Variants in LOXHD1 observed in about 807,000 individuals in gnomAD.
The protein encoded by LOXHD1 is lipoxygenase homology PLAT domains 1, also known as lipoxygenase homology domain-containing protein 1.
In LOXHD1, 205 loss-of-function variants were observed where a neutral mutation model predicts 248.2. The observed-to-expected ratio is 0.83, with a 90% confidence interval of 0.74 to 0.93. The LOEUF (loss-of-function observed/expected upper bound fraction) is 0.93. LOXHD1 is among the 40% of genes least tolerant of loss of function. The pLI is 0.00. For missense variants in LOXHD1, 2,930 were observed against 2,971.6 expected (o/e 0.99, Z 0.33); for synonymous variants, 1,113 against 1,162.8 (o/e 0.96, Z 0.87).
intron 37 of LOXHD1, among the ~76,000 whole-genome samples, chr18:46,496,421 T>C (rs1183614255): frequency 1.3e-5 from 2 of 152,238 alleles, no homozygotes; most frequent in Non-Finnish European, 2.9e-5. Flanking sequence ...ATATGGTATT[T>C]GTTCAGAAAT....
chr18:46,488,618 C>A (rs538847027), intron 38 of LOXHD1, among the ~76,000 whole-genome samples: 18 of 152,272 alleles, frequency 1.2e-4, no homozygotes, highest in African/African-American at 4.1e-4. Flanking sequence ...TTCTAGGAAG[C>A]GTTGATTAGG....
chr18:46,494,856 T>G (rs963590490), intron 37 of LOXHD1, among the ~76,000 whole-genome samples: 1 of 134,270 alleles, frequency 7.4e-6, no homozygotes, highest in Non-Finnish European at 1.6e-5. Flanking sequence ...TCTCTTTTTT[T>G]TTTTTTTTTT....
chr18:46,601,132 T>C, intron 8 of LOXHD1, 85 bp downstream of exon 8: 2 of 1,467,724 alleles, frequency 1.4e-6, no homozygotes, highest in Middle Eastern at 2.5e-4. Flanking sequence ...TTCAGAGAAG[T>C]AGCATTCAGG....
intron 2 of LOXHD1, among the ~76,000 whole-genome samples, chr18:46,646,612 C>T (rs1045939210): frequency 3.3e-5 from 5 of 152,160 alleles, no homozygotes; most frequent in African/African-American, 1.2e-4. Flanking sequence ...TGACTTTCCC[C>T]CTCCCTGCCC....
intron 18 of LOXHD1, among the ~76,000 whole-genome samples, chr18:46,562,624 C>T (rs2037552384): frequency 1.3e-5 from 2 of 152,156 alleles, no homozygotes. Flanking sequence ...GACTCAGAGG[C>T]CACAGGGCTG....
chr18:46,547,921 CTT>C (rs2036919417), intron 21 of LOXHD1, among the ~76,000 whole-genome samples: 1 of 152,198 alleles, frequency 6.6e-6, no homozygotes, highest in Non-Finnish European at 1.5e-5. Context: ...GAAATTCAAA[CTT>C]AACTGGCAAC....
At chr18:46,516,106 T>G (rs566437993) in intron 34 of LOXHD1, among the ~76,000 whole-genome samples, 87 of 152,242 alleles carry the variant, frequency 5.7e-4, no homozygotes, top group Non-Finnish European at 1.0e-3. Flanking sequence ...AAGTAGAGAG[T>G]TTCTGTTCTC....
intron 15 of LOXHD1, among the ~76,000 whole-genome samples, chr18:46,570,644 A>T (rs2037734188): frequency 6.6e-6 from 1 of 152,208 alleles, no homozygotes; most frequent in Admixed American, 6.5e-5. Flanking sequence ...TTCCATCTCA[A>T]CCAGGGGTGT....
At position 46,545,424 on chromosome 18, in the gene LOXHD1, G is replaced by C; in HGVS notation, c.3515-3C>G. ...CACTGAGAATGTGGTAGATTTATCT[G>C]CCAAGAGAATAGTATAGAGCAATGA... On this transcript the variant is annotated splice_region_variant and splice_polypyrimidine_tract_variant and intron_variant, in intron 22 of 40. Transcript: ENST00000642948. 6.5e-7 allele frequency: 1 copy of C among 1,538,716 alleles called. No homozygotes were observed. The highest frequency in any genetic ancestry group is 2.0e-5 in the Admixed American group (1 of 50,986).
chr18:46,507,730 AC>A lies in LOXHD1; in HGVS notation c.5518-19del. 1 of 1,544,484 alleles carries A rather than the reference AC, an allele frequency of 6.5e-7. No homozygotes were observed. Among genetic ancestry groups the A allele is most frequent in the Non-Finnish European group, 8.8e-7 (1 of 1,141,774 alleles). Reference sequence around the variant, plus strand: ...AGTAGGATCTGGGGGAGAGGGAGCCACCGTGGGAATGCCCTGTCCTCCCTCA... The same window carrying A: ...AGTAGGATCTGGGGGAGAGGGAGCCACGTGGGAATGCCCTGTCCTCCCTCA... On this transcript the variant is annotated intron_variant, in intron 35 of 40. Coordinates refer to ENST00000642948, the MANE Select transcript of LOXHD1 (RefSeq NM_001384474.1).
chr18:46,509,882 G>A, intron 34 of LOXHD1, 67 bp from the exon 35 acceptor site: 1 of 1,099,138 alleles, frequency 9.1e-7, no homozygotes, highest in Non-Finnish European at 1.4e-6. Context: ...GGTGGGCCAG[G>A]CCAGAGGCCA....
At chr18:46,611,038 C>T (rs1039652982) in intron 5 of LOXHD1, 114 bp from the exon 6 acceptor site, 22 of 1,252,916 alleles carry the variant, frequency 1.8e-5, no homozygotes, top group African/African-American at 3.0e-5. Flanking sequence ...AGGGCAACTT[C>T]CTCCTGAGAT....
chr18:46,628,266 C>T (rs902993827), intron 4 of LOXHD1, among the ~76,000 whole-genome samples: 3 of 152,196 alleles, frequency 2.0e-5, no homozygotes, highest in Admixed American at 2.0e-4. Flanking sequence ...CTTCTTCCCC[C>T]TCTTTCCGGA....
intron 12 of LOXHD1, among the ~76,000 whole-genome samples, chr18:46,589,747 C>T (rs768722398): frequency 2.0e-5 from 3 of 152,056 alleles, no homozygotes; most frequent in African/African-American, 4.8e-5. Flanking sequence ...ATACTGAAGT[C>T]CTAACTCCCC....
rs1370369505 is a variant in LOXHD1 at position 46,521,126 on chromosome 18, C to T, written c.5242G>A (p.Asp1748Asn). The change falls in exon 33 of 41, where the codon GAT becomes AAT. Residue 1748 changes from aspartate (D) to asparagine (N), a missense_variant. Asp to Asn is a conservative substitution (Grantham distance 23, BLOSUM62 1). Coordinates refer to ENST00000642948, the MANE Select transcript of LOXHD1 (RefSeq NM_001384474.1). ...ACCCCAATGTTCACCACCATGGCATCCAAGAGGTCGAAGACACGGGAGGTG... is the reference window on the plus strand; with the variant it reads ...ACCCCAATGTTCACCACCATGGCATTCAAGAGGTCGAAGACACGGGAGGTG... ...GITSRVFDLL[D>N]AMVVNIGVKV... 1 of 1,551,762 alleles carries T rather than the reference C, an allele frequency of 6.4e-7. No individual in the cohort carries two copies. The highest frequency in any genetic ancestry group is 1.2e-5 in the South Asian group (1 of 84,066).
intron 2 of LOXHD1, among the ~76,000 whole-genome samples, chr18:46,648,115 G>A (rs868141411): frequency 3.4e-4 from 52 of 152,052 alleles, no homozygotes; most frequent in Admixed American, 2.0e-3. Flanking sequence ...AAAATTAGCC[G>A]GTTATGGTGG....
At chr18:46,532,318 G>A (rs919972365) in intron 28 of LOXHD1, among the ~76,000 whole-genome samples, 3 of 152,184 alleles carry the variant, frequency 2.0e-5, no homozygotes, top group Non-Finnish European at 4.4e-5. Flanking sequence ...AATAACATGG[G>A]GATTGACATG....
chr18:46,583,460 A>C (rs531800319), intron 12 of LOXHD1, among the ~76,000 whole-genome samples: 38 of 152,174 alleles, frequency 2.5e-4, no homozygotes, highest in Non-Finnish European at 4.3e-4. Context: ...ATATATAAGA[A>C]AATTAAATGA....
In LOXHD1 at chr18:46,489,160, T is replaced by C. The variant is rs773208340; in HGVS notation, c.5879-18A>G. ...AAATATCCCTGTGGAAAAGACACCA[T>C]GGGGGTTGGAAGCTGGATGTGCCTT... On this transcript the variant is annotated intron_variant, in intron 37 of 40. Transcript: ENST00000642948. 6 of 1,551,536 alleles carry C rather than the reference T, an allele frequency of 3.9e-6. No homozygotes were observed. Among genetic ancestry groups the C allele is most frequent in the East Asian group, 2.4e-5 (1 of 40,918 alleles).
Sources: allele counts gnomAD v4.1 joint callset (sites outside exome capture counted in the v4.1 genomes callset), GRCh38; gene constraint gnomAD v4.1.1; transcripts MANE v1.5; gene names NCBI Gene and HGNC (gene_info 2026-07-23, HGNC 2026-07-21).